NOL10: variants seen among roughly 807,000 people sequenced by gnomAD.
NOL10 encodes the protein nucleolar protein 10, also known as H_NH0074G24.1.
In NOL10, 58 loss-of-function variants were observed where a neutral mutation model predicts 103.5. That is an observed-to-expected ratio of 0.56 (90% CI 0.45 to 0.70). The LOEUF is 0.70. Among genes scored for constraint, NOL10 ranks in the 30% least tolerant of loss-of-function variants. The pLI, the probability that NOL10 is intolerant of heterozygous loss-of-function variation, is 0.00. For missense variants in NOL10, 763 were observed against 807.3 expected (o/e 0.95, Z 0.67); for synonymous variants, 287 against 282.5 (o/e 1.02, Z -0.16).
chr2:10,636,420 C>CAAAAAAAAAAAAAAA (rs70953327), intron 13 of NOL10, among the ~76,000 whole-genome samples: 1 of 54,698 alleles, frequency 1.8e-5, no homozygotes, highest in Non-Finnish European at 3.1e-5. Context: ...TACAAAAAAC[C>CAAAAAAAAAAAAAAA]AAAAAAAAAA....
In NOL10 at chr2:10,615,404, T is replaced by C. The variant is rs181842170; in HGVS notation, c.1027-8093A>G. Among the ~76,000 whole-genome samples the C allele has an allele frequency of 1.6e-4, 25 of 152,232 alleles. 1 individual carries two copies. In the East Asian group the frequency reaches 4.6e-3, roughly 28 times the overall value. On this transcript the variant is annotated intron_variant, in intron 13 of 20. Transcript: ENST00000381685. Reference sequence around the variant, plus strand: ...ATCTCACTAATAGCCCATCAAGCAATAGTCAATTTTTGTGACACTATGAGT... The same window carrying C: ...ATCTCACTAATAGCCCATCAAGCAACAGTCAATTTTTGTGACACTATGAGT...
chr2:10,619,713 A>C lies in NOL10; in HGVS notation c.1027-12402T>G, dbSNP rs565380205. Among the ~76,000 whole-genome samples the C allele has an allele frequency of 1.2e-4, 19 of 152,304 alleles. No homozygotes were observed. The South Asian group carries it at 3.5e-3, about 28-fold the overall frequency. ...AAAAAGAAAATCTGAACATGGCCCC[A>C]ATCTTCTTCAAAGTCCACTGTTAGC... On this transcript the variant is annotated intron_variant, in intron 13 of 20. Coordinates refer to ENST00000381685, the MANE Select transcript of NOL10 (RefSeq NM_024894.4).
chr2:10,663,591 A>T (rs1452806043), intron 8 of NOL10, among the ~76,000 whole-genome samples: 2 of 152,168 alleles, frequency 1.3e-5, no homozygotes, highest in Non-Finnish European at 2.9e-5. Flanking sequence ...TATATATATC[A>T]CTAAACTTTT....
At chr2:10,675,465 G>A (rs1398354412) in intron 4 of NOL10, among the ~76,000 whole-genome samples, 1 of 151,898 alleles carries the variant, frequency 6.6e-6, no homozygotes, top group Non-Finnish European at 1.5e-5. Flanking sequence ...TTTGGGGGGG[G>A]TGCATTCTCT....
At chr2:10,676,491 A>T (rs1276910709) in intron 3 of NOL10, among the ~76,000 whole-genome samples, 2 of 152,260 alleles carry the variant, frequency 1.3e-5, no homozygotes, top group African/African-American at 4.8e-5. Flanking sequence ...TGGATGAGGC[A>T]GACCTCAGTA....
rs1311727503 is a variant in NOL10, at chr2:10,668,697, T to C, written c.491A>G (p.Glu164Gly). Residue 164 changes from glutamate to glycine, a missense_variant, in exon 7 of 21, where the codon GAA becomes GGA. By Grantham distance (98) the Glu-to-Gly change is moderately conservative (BLOSUM62 -2). Coordinates refer to ENST00000381685, the MANE Select transcript of NOL10 (RefSeq NM_024894.4). ...TAGAGGATTCAGGTATCGTCCTTGTTCTAAGTTTAACCTATAAACTTCAGA... is the reference window on the plus strand; with the variant it reads ...TAGAGGATTCAGGTATCGTCCTTGTCCTAAGTTTAACCTATAAACTTCAGA... ...ASSEVYRLNLEQGRYLNPLQT... is the reference protein window; with the variant it reads ...ASSEVYRLNLGQGRYLNPLQT... 2.6e-6 allele frequency: 4 copies of C among 1,545,510 alleles called. No individual in the cohort carries two copies. The highest frequency in any genetic ancestry group is 3.5e-6 in the Non-Finnish European group (4 of 1,135,910).
intron 13 of NOL10, among the ~76,000 whole-genome samples, chr2:10,615,012 T>G (rs1327505775): frequency 1.3e-5 from 2 of 152,362 alleles, no homozygotes; most frequent in East Asian, 3.9e-4. Flanking sequence ...TTCTGACAGC[T>G]GAGGCTTAAT....
intron 13 of NOL10, among the ~76,000 whole-genome samples, chr2:10,632,280 C>T (rs1441969774): frequency 1.3e-5 from 2 of 152,098 alleles, no homozygotes; most frequent in African/African-American, 2.4e-5. Context: ...GAAATATAGA[C>T]GTAAAGAAGT....
chr2:10,613,946 T>A (rs1162132544), intron 13 of NOL10, among the ~76,000 whole-genome samples: 3 of 144,540 alleles, frequency 2.1e-5, no homozygotes, highest in African/African-American at 7.8e-5. Flanking sequence ...AGGTAGAGGG[T>A]TTTTATCCCC....
At chr2:10,645,281 T>G (rs946815380) in intron 12 of NOL10, among the ~76,000 whole-genome samples, 2 of 152,218 alleles carry the variant, frequency 1.3e-5, no homozygotes, top group Non-Finnish European at 2.9e-5. Flanking sequence ...GAATTCATTT[T>G]AAAAATCTAT....
At chr2:10,658,408 G>A (rs1214991634) in intron 10 of NOL10, among the ~76,000 whole-genome samples, 1 of 152,124 alleles carries the variant, frequency 6.6e-6, no homozygotes, top group African/African-American at 2.4e-5. Flanking sequence ...AGCCCATGAT[G>A]ACAAAGAAAG....
intron 2 of NOL10, among the ~76,000 whole-genome samples, chr2:10,684,276 CAAA>C (rs55930710): frequency 5.9e-5 from 8 of 134,958 alleles, no homozygotes; most frequent in Admixed American, 7.7e-5. Context: ...AACTCCATCT[CAAA>C]AAAAAAAAAA....
chr2:10,598,143 T>G (rs1024298033), intron 17 of NOL10, among the ~76,000 whole-genome samples: 7 of 152,196 alleles, frequency 4.6e-5, no homozygotes, highest in African/African-American at 1.7e-4. Context: ...CAACTGAGTA[T>G]GTTCATAAAG....
intron 13 of NOL10, among the ~76,000 whole-genome samples, chr2:10,632,242 C>T (rs2148247380): frequency 6.6e-6 from 1 of 152,252 alleles, no homozygotes; most frequent in African/African-American, 2.4e-5. Flanking sequence ...AATGACGCCC[C>T]TGCATTCATG....
chr2:10,601,744 G>A (rs1298209560), intron 16 of NOL10, among the ~76,000 whole-genome samples: 1 of 152,170 alleles, frequency 6.6e-6, no homozygotes, highest in Non-Finnish European at 1.5e-5. Context: ...AGCTCAGGTC[G>A]AGGCTGCAGT....
At chr2:10,664,882 G>C (rs912857542) in intron 8 of NOL10, among the ~76,000 whole-genome samples, 6 of 152,128 alleles carry the variant, frequency 3.9e-5, no homozygotes, top group Non-Finnish European at 8.8e-5. Flanking sequence ...AAAAACCTGA[G>C]AGGATACACA....
chr2:10,685,510 C>CA (rs1303427519), intron 1 of NOL10, among the ~76,000 whole-genome samples: 6 of 38,510 alleles, frequency 1.6e-4, no homozygotes, highest in Admixed American at 4.4e-4. Context: ...CCCCCCCCGC[C>CA]AAAAAAAAAG....
At chr2:10,573,165 G>A (rs189318787) in intron 20 of NOL10, among the ~76,000 whole-genome samples, 1 of 151,976 alleles carries the variant, frequency 6.6e-6, no homozygotes, top group Non-Finnish European at 1.5e-5. Context: ...CCGTCTTATG[G>A]ACACCCAGGG....
chr2:10,687,775 G>A (rs1433497577), intron 1 of NOL10, among the ~76,000 whole-genome samples: 1 of 152,190 alleles, frequency 6.6e-6, no homozygotes, highest in South Asian at 2.1e-4. Flanking sequence ...CCAACATAGT[G>A]AAACTCCGTC....
Sources: gnomAD v4.1 joint callset for allele counts (sites outside exome capture counted in the v4.1 genomes callset) on GRCh38, gnomAD v4.1.1 for gene constraint, MANE v1.5 for transcripts, NCBI Gene and HGNC (gene_info 2026-07-23, HGNC 2026-07-21) for gene names.